TGFB2: variants seen among roughly 807,000 people sequenced by gnomAD.
The protein encoded by TGFB2 is transforming growth factor beta 2, also known as transforming growth factor beta-2 proprotein.
Under a neutral mutation model 42.7 loss-of-function variants are expected in TGFB2, and 13 were observed. The ratio of observed to expected loss-of-function variants is 0.30; its 90% CI spans 0.20 to 0.48. The LOEUF is 0.48. TGFB2 is among the 20% of genes least tolerant of loss of function. The pLI is 0.99. For missense variants in TGFB2, 390 were observed against 517.5 expected, an observed-to-expected ratio of 0.75 and a Z score of 2.39; for synonymous variants, 193 against 193.6, an observed-to-expected ratio of 1.00 and a Z score of 0.03.
At chr1:218,400,458 C>A (rs1658679207) in intron 1 of TGFB2, among the ~76,000 whole-genome samples, 1 of 151,966 alleles carries the variant, frequency 6.6e-6, no homozygotes, top group African/African-American at 2.4e-5. Flanking sequence ...CTGCTGGGGT[C>A]CCCCTGCCAC....
chr1:218,435,088 G>A (rs950493803), intron 4 of TGFB2, among the ~76,000 whole-genome samples: 1 of 152,200 alleles, frequency 6.6e-6, no homozygotes, highest in African/African-American at 2.4e-5. Context: ...TGTATTAGAT[G>A]ATGAGTTGTT....
intron 1 of TGFB2, among the ~76,000 whole-genome samples, chr1:218,348,176 G>A (rs1218333788): frequency 1.3e-5 from 2 of 151,908 alleles, no homozygotes; most frequent in Non-Finnish European, 2.9e-5. Context: ...GGGCGGGGTG[G>A]GGGGAACCTC....
At position 218,442,334 on chromosome 1, in the gene TGFB2, A is replaced by C. The variant is rs565195408; in HGVS notation, c.*972A>C. 8 of 152,146 alleles carry C rather than the reference A, an allele frequency of 5.3e-5. No homozygotes were observed. Among genetic ancestry groups the C allele is most frequent in the Non-Finnish European group, 1.2e-4 (8 of 68,004 alleles). The allele number at this position is 152,146 out of a possible 1,614,324, so 9.4% of individuals were successfully genotyped here. On this transcript the variant is annotated 3_prime_UTR_variant, in exon 7 of 7. Transcript: ENST00000366930. ...ATACCTATATTATTAAAATAGATGG[A>C]TATAGAAGCCAGCATAATTGAAAAC... is the stretch of plus-strand genomic sequence containing the variant.
chr1:218,370,030 T>G (rs1657521276), intron 1 of TGFB2, among the ~76,000 whole-genome samples: 1 of 152,218 alleles, frequency 6.6e-6, no homozygotes, highest in South Asian at 2.1e-4. Context: ...GCCTACTGTG[T>G]GCCAGGTGAT....
At chr1:218,433,577 C>T (rs1422708610) in intron 2 of TGFB2, among the ~76,000 whole-genome samples, 1 of 152,152 alleles carries the variant, frequency 6.6e-6, no homozygotes, top group African/African-American at 2.4e-5. Flanking sequence ...ATTTTAATGG[C>T]AATGGATTTG....
intron 1 of TGFB2, among the ~76,000 whole-genome samples, chr1:218,378,737 G>T (rs1157363619): frequency 6.6e-6 from 1 of 150,830 alleles, no homozygotes; most frequent in Non-Finnish European, 1.5e-5. Flanking sequence ...CTCCTAGAGC[G>T]CTGGGATCAC....
rs557117464 is a variant in TGFB2 at position 218,443,733 on chromosome 1, G to A, written c.*2371G>A. The A allele has an allele frequency of 2.0e-5, 3 of 147,748 alleles. No homozygotes were observed. The highest frequency in any genetic ancestry group is 2.1e-4 in the South Asian group (1 of 4,676). 9.2% of individuals were successfully genotyped at this position (147,748 alleles called of 1,614,324 possible). On this transcript the variant is annotated 3_prime_UTR_variant, in exon 7 of 7. Coordinates refer to ENST00000366930, the MANE Select transcript of TGFB2 (RefSeq NM_003238.6). ...TGTTTTTTTTTTTTTTAATTTGGGG[G>A]TTCTGTAAGGTCTTTATTTCCCATA...
At chr1:218,371,771 G>A (rs1010681139) in intron 1 of TGFB2, among the ~76,000 whole-genome samples, 4 of 152,242 alleles carry the variant, frequency 2.6e-5, no homozygotes, top group Non-Finnish European at 5.9e-5. Flanking sequence ...ATGTTTAGCT[G>A]TTTGCCAGAA....
chr1:218,415,886 C>A (rs1200313973), intron 2 of TGFB2, among the ~76,000 whole-genome samples: 1 of 151,666 alleles, frequency 6.6e-6, no homozygotes, highest in African/African-American at 2.4e-5. Context: ...ACACAAGATG[C>A]GGAAGGAGTA....
intron 1 of TGFB2, among the ~76,000 whole-genome samples, chr1:218,398,691 G>A (rs142739273): frequency 1.3e-5 from 2 of 151,928 alleles, no homozygotes; most frequent in Non-Finnish European, 1.5e-5. Flanking sequence ...GGGTTCAAGC[G>A]ATTCTCCTAT....
intron 1 of TGFB2, among the ~76,000 whole-genome samples, chr1:218,351,500 C>A (rs1656866459): frequency 6.6e-6 from 1 of 152,194 alleles, no homozygotes; most frequent in Non-Finnish European, 1.5e-5. Flanking sequence ...ACATGCTCCT[C>A]CTTCAGGATT....
In TGFB2 at chr1:218,395,564, A is replaced by G. The variant is rs117455631; in HGVS notation, c.347-9605A>G. On this transcript the variant is annotated intron_variant, in intron 1 of 6. Coordinates refer to ENST00000366930, the MANE Select transcript of TGFB2 (RefSeq NM_003238.6). ...GCTAGCCTCACTTCGACTTTAGCCC[A>G]AAGTTATTTTACTTTCCTCACTCTT... Among the ~76,000 whole-genome samples the G allele has an allele frequency of 1.8e-4, 28 of 152,142 alleles. No individual in the cohort carries two copies. In the East Asian group the frequency reaches 3.1e-3, roughly 17 times the overall value.
chr1:218,416,879 G>T (rs965616593), intron 2 of TGFB2, among the ~76,000 whole-genome samples: 6 of 152,184 alleles, frequency 3.9e-5, no homozygotes, highest in Non-Finnish European at 7.3e-5. Flanking sequence ...GTGGTCCCCC[G>T]CACAAGCTCT....
intron 1 of TGFB2, among the ~76,000 whole-genome samples, chr1:218,403,948 T>C (rs1470260195): frequency 6.6e-6 from 1 of 151,204 alleles, no homozygotes; most frequent in East Asian, 1.9e-4. Flanking sequence ...ACAGTGTAGA[T>C]GCTTGATAAA....
chr1:218,347,866 T>A (rs1656741329), intron 1 of TGFB2, among the ~76,000 whole-genome samples: 1 of 152,064 alleles, frequency 6.6e-6, no homozygotes, highest in Admixed American at 6.5e-5. Flanking sequence ...ATCCTGCTCC[T>A]GCCTTTTCGT....
In TGFB2 at chr1:218,405,273, G is replaced by A; in HGVS notation, c.451G>A (p.Val151Ile). The part of the protein sequence containing the change: ...ASNLVKAEFR[V>I]FRLQNPKARV... ...CAATTTGGTGAAAGCAGAGTTCAGAGTCTTTCGTTTGCAGAACCCAAAAGC... is the reference window on the plus strand; with the variant it reads ...CAATTTGGTGAAAGCAGAGTTCAGAATCTTTCGTTTGCAGAACCCAAAAGC... The change falls in exon 2 of 7, where the codon GTC becomes ATC. Residue 151 changes from valine (V) to isoleucine (I), a missense_variant. Transcript: ENST00000366930. The A allele has an allele frequency of 1.2e-6, 2 of 1,614,204 alleles. No individual in the cohort carries two copies. The highest frequency in any genetic ancestry group is 1.1e-5 in the South Asian group (1 of 91,082).
At chr1:218,356,382 A>C (rs1179367322) in intron 1 of TGFB2, among the ~76,000 whole-genome samples, 1 of 151,842 alleles carries the variant, frequency 6.6e-6, no homozygotes, top group African/African-American at 2.4e-5. Flanking sequence ...ATGCCTGGCT[A>C]ATTTTTTCAA....
At chr1:218,383,345 G>T (rs1054714162) in intron 1 of TGFB2, among the ~76,000 whole-genome samples, 1 of 151,880 alleles carries the variant, frequency 6.6e-6, no homozygotes, top group African/African-American at 2.4e-5. Context: ...TTTTTAGGAG[G>T]GTCCAAAATT....
intron 1 of TGFB2, among the ~76,000 whole-genome samples, chr1:218,349,076 G>A (rs990100503): frequency 1.3e-5 from 2 of 152,146 alleles, no homozygotes; most frequent in African/African-American, 4.8e-5. Context: ...ACATCAATGT[G>A]TGGATTCTCC....
Sources: allele counts gnomAD v4.1 joint callset (sites outside exome capture counted in the v4.1 genomes callset), GRCh38; gene constraint gnomAD v4.1.1; transcripts MANE v1.5; gene names NCBI Gene and HGNC (gene_info 2026-07-23, HGNC 2026-07-21).